Variants in ERCC6 observed in about 807,000 individuals in gnomAD.
ERCC6 encodes the protein DNA excision repair protein ERCC-6.
A neutral mutation model predicts 158.7 loss-of-function variants in ERCC6; 116 were observed. That is an observed-to-expected ratio of 0.73 (90% confidence interval 0.63 to 0.85). The LOEUF (loss-of-function observed/expected upper bound fraction) is 0.85. Ranked by LOEUF, ERCC6 falls within the 40% of genes least tolerant of loss-of-function variation. The pLI, the probability that ERCC6 is intolerant of heterozygous loss-of-function variation, is 0.00. For missense variants in ERCC6, 1,698 were observed against 1,799.4 expected (o/e 0.94, Z 1.02); for synonymous variants, 678 against 659.3 (o/e 1.03, Z -0.43).
chr10:49,514,930 G>C (rs1836902469), intron 5 of ERCC6, among the ~76,000 whole-genome samples: 1 of 152,110 alleles, frequency 6.6e-6, no homozygotes, highest in Non-Finnish European at 1.5e-5. Context: ...GCAAATCTGA[G>C]CAGATGAAAT....
At chr10:49,494,659 T>C (rs1463788982) in intron 7 of ERCC6, among the ~76,000 whole-genome samples, 1 of 152,136 alleles carries the variant, frequency 6.6e-6, no homozygotes, top group African/African-American at 2.4e-5. Context: ...TGTCAGTGCA[T>C]GGTACTCCCC....
intron 11 of ERCC6, among the ~76,000 whole-genome samples, chr10:49,477,361 C>T (rs1054937273): frequency 2.0e-4 from 30 of 152,238 alleles, no homozygotes; most frequent in African/African-American, 6.7e-4. Flanking sequence ...TGAAGACCCA[C>T]TCATTCTCCC....
rs1850498827 is a variant in ERCC6, at chr10:49,457,280, A to G, written c.*1535T>C. ...ACTTCTAAACAATGATGGCAAAGTG[A>G]CAAAAATAATGTAATCATCTTCTTC... On this transcript the variant is annotated 3_prime_UTR_variant, in exon 21 of 21. Coordinates refer to ENST00000355832, the MANE Select transcript of ERCC6 (RefSeq NM_000124.4). 1 of 152,218 alleles carries G rather than the reference A, an allele frequency of 6.6e-6. No individual in the cohort carries two copies. The highest frequency in any genetic ancestry group is 1.5e-5 in the Non-Finnish European group (1 of 68,034). The allele number at this position is 152,218 out of a possible 1,614,324, so 9.4% of individuals were successfully genotyped here.
At chr10:49,498,755 AAT>A (rs1851307457) in intron 7 of ERCC6, among the ~76,000 whole-genome samples, 1 of 152,186 alleles carries the variant, frequency 6.6e-6, no homozygotes, top group Non-Finnish European at 1.5e-5. Context: ...AGCATGTTTT[AAT>A]TTTTAGATCA....
intron 18 of ERCC6, among the ~76,000 whole-genome samples, chr10:49,468,856 G>A (rs1017013442): frequency 1.3e-5 from 2 of 152,108 alleles, no homozygotes; most frequent in African/African-American, 4.8e-5. Flanking sequence ...GAAGAAAGGA[G>A]GTGCTCAAAG....
In ERCC6 at chr10:49,461,429, C is replaced by G. The variant is rs1403192066; in HGVS notation, c.3906G>C (p.Gln1302His). 1 of 1,614,092 alleles carries G rather than the reference C, an allele frequency of 6.2e-7. No homozygotes were observed. The highest frequency in any genetic ancestry group is 1.3e-5 in the African/African-American group (1 of 74,940). Residue 1302 changes from glutamine (Q) to histidine (H), a missense_variant, in exon 19 of 21, where the codon CAG (glutamine) becomes CAC (histidine). Transcript: ENST00000355832. Reference protein sequence around the residue: ...DALKALRLSRQRCLGAVSGVP... With the variant: ...DALKALRLSRHRCLGAVSGVP... ...CACCAGACACTGCTCCCAGACACCG[C>G]TGACGAGAGAGCCTCAGTGCTTTCA...
downstream of ERCC6, among the ~76,000 whole-genome samples, chr10:49,452,184 A>G (rs537020112): frequency 2.3e-4 from 35 of 151,798 alleles, 1 homozygote; most frequent in Non-Finnish European, 3.7e-4. Flanking sequence ...CAGTGACTTA[A>G]GGTGGAAGAA....
chr10:49,537,128 G>A (rs535893168), intron 1 of ERCC6, among the ~76,000 whole-genome samples: 73 of 152,112 alleles, frequency 4.8e-4, no homozygotes, highest in South Asian at 1.0e-3. Context: ...GGAGGATCAC[G>A]AGGTCAGAAG....
chr10:49,441,634 C>T, the ERCC6 span, among the ~76,000 whole-genome samples: 1 of 152,162 alleles, frequency 6.6e-6, no homozygotes, highest in Admixed American at 6.5e-5. Context: ...GGCGTCTCCG[C>T]AGGTGGGGTG....
chr10:49,441,568 C>T, the ERCC6 span, among the ~76,000 whole-genome samples: 5 of 150,842 alleles, frequency 3.3e-5, no homozygotes, highest in African/African-American at 9.8e-5. Flanking sequence ...CAGTTGTGCA[C>T]GGTGTGCCAT....
chr10:49,473,105 G>C, intron 14 of ERCC6, 77 bp from the exon 15 acceptor site: 1 of 1,597,954 alleles, frequency 6.3e-7, no homozygotes, highest in East Asian at 2.2e-5. Context: ...TCCACATATT[G>C]TACACATGGA....
chr10:49,439,197 C>T, the ERCC6 span, among the ~76,000 whole-genome samples: 51 of 152,370 alleles, frequency 3.3e-4, no homozygotes, highest in Non-Finnish European at 5.6e-4. Context: ...CAAAGGTTCT[C>T]CATGAGTGCC....
intron 5 of ERCC6, chr10:49,515,800 G>T: frequency 6.2e-7 from 1 of 1,614,072 alleles, no homozygotes; most frequent in South Asian, 1.1e-5. Flanking sequence ...TTCAGTTTCT[G>T]GGAGTAACGA....
At chr10:49,526,072 C>A (rs1183564161) in intron 4 of ERCC6, among the ~76,000 whole-genome samples, 1 of 137,708 alleles carries the variant, frequency 7.3e-6, no homozygotes, top group Non-Finnish European at 1.5e-5. Flanking sequence ...TGATGCACAT[C>A]TTTTGGTTTT....
chr10:49,506,159 T>G lies in ERCC6; in HGVS notation c.1398-147A>C, dbSNP rs903690019. 8.8e-6 allele frequency: 7 copies of G among 797,068 alleles called. No individual in the cohort carries two copies. In the South Asian group the frequency reaches 1.1e-4, roughly 13 times the overall value. 49.4% of individuals were successfully genotyped at this position (797,068 alleles called of 1,614,324 possible). On this transcript the variant is annotated intron_variant, in intron 5 of 20. Transcript: ENST00000355832. ...GCCATTATTACCCAAAACACTGATATTCAAAGAGGAAAAACAATTCTCTTC... is the reference window on the plus strand; with the variant it reads ...GCCATTATTACCCAAAACACTGATAGTCAAAGAGGAAAAACAATTCTCTTC...
intron 18 of ERCC6, among the ~76,000 whole-genome samples, chr10:49,464,133 G>A (rs1317360803): frequency 6.6e-6 from 1 of 152,176 alleles, no homozygotes; most frequent in Non-Finnish European, 1.5e-5. Context: ...TGACAAAAAT[G>A]TTGATAGTGA....
intron 5 of ERCC6, chr10:49,515,801 G>T: frequency 6.2e-7 from 1 of 1,614,074 alleles, no homozygotes; most frequent in Non-Finnish European, 8.5e-7. Flanking sequence ...TCAGTTTCTG[G>T]GAGTAACGAC....
intron 1 of ERCC6, among the ~76,000 whole-genome samples, chr10:49,535,836 G>A (rs752767075): frequency 3.3e-5 from 5 of 152,150 alleles, no homozygotes; most frequent in Non-Finnish European, 7.4e-5. Flanking sequence ...GGTAAAAGAA[G>A]TTTCAGGCCA....
At chr10:49,444,204 C>T in the ERCC6 span, among the ~76,000 whole-genome samples, 1 of 152,214 alleles carries the variant, frequency 6.6e-6, no homozygotes, top group African/African-American at 2.4e-5. Context: ...ACAAAGAGGC[C>T]TTGCCATGCC....
Sources: allele counts gnomAD v4.1 joint callset (sites outside exome capture counted in the v4.1 genomes callset), GRCh38; gene constraint gnomAD v4.1.1; transcripts MANE v1.5; gene names NCBI Gene and HGNC (gene_info 2026-07-23, HGNC 2026-07-21).